The following CCSER1 variants were observed in gnomAD, a reference collection of about 807,000 sequenced individuals.
CCSER1 encodes the protein serine-rich coiled-coil domain-containing protein 1.
Under a neutral mutation model 82.0 loss-of-function variants are expected in CCSER1, and 41 were observed. The observed-to-expected ratio is 0.50, with a 90% confidence interval of 0.39 to 0.65. The LOEUF is 0.65. Among genes scored for constraint, CCSER1 ranks in the 30% least tolerant of loss-of-function variants. CCSER1 has a pLI of 0.00. For missense variants in CCSER1, 1,119 were observed against 1,064.2 expected, an observed-to-expected ratio of 1.05 and a Z score of -0.72; for synonymous variants, 414 against 383.9, an observed-to-expected ratio of 1.08 and a Z score of -0.92.
chr4:91,345,441 A>G (rs892296888), intron 10 of CCSER1, among the ~76,000 whole-genome samples: 2 of 152,186 alleles, frequency 1.3e-5, no homozygotes, highest in Non-Finnish European at 2.9e-5. Context: ...TGATCAATTT[A>G]AAGTAAAAAT....
At chr4:90,975,324 AAC>A (rs1468463598) in intron 9 of CCSER1, among the ~76,000 whole-genome samples, 1 of 151,354 alleles carries the variant, frequency 6.6e-6, no homozygotes, top group Non-Finnish European at 1.5e-5. Context: ...ATACTAAGGA[AAC>A]ACAGAATTGT....
At chr4:90,234,817 T>C (rs1745462432) in intron 1 of CCSER1, among the ~76,000 whole-genome samples, 1 of 152,200 alleles carries the variant, frequency 6.6e-6, no homozygotes, top group African/African-American at 2.4e-5. Flanking sequence ...TAACTCACTT[T>C]TAAAAACTGT....
intron 6 of CCSER1, among the ~76,000 whole-genome samples, chr4:90,665,337 T>G (rs1044106696): frequency 6.6e-6 from 1 of 152,012 alleles, no homozygotes; most frequent in Non-Finnish European, 1.5e-5. Flanking sequence ...TTCTTTTTTT[T>G]TTTTGAGACG....
intron 10 of CCSER1, among the ~76,000 whole-genome samples, chr4:91,164,113 A>C (rs956435764): frequency 3.9e-5 from 6 of 152,134 alleles, no homozygotes; most frequent in African/African-American, 1.4e-4. Context: ...GAGCTCTTGT[A>C]AGGCAGGCCT....
chr4:91,538,477 G>A (rs994544444), intron 10 of CCSER1, among the ~76,000 whole-genome samples: 4 of 151,078 alleles, frequency 2.6e-5, no homozygotes, highest in African/African-American at 9.7e-5. Context: ...AAACTCCTCA[G>A]CACTGGAAGA....
intron 10 of CCSER1, among the ~76,000 whole-genome samples, chr4:91,098,234 G>A (rs946041160): frequency 6.6e-6 from 1 of 152,100 alleles, no homozygotes; most frequent in Non-Finnish European, 1.5e-5. Context: ...AATAGACTTG[G>A]ATAGACTTTG....
intron 1 of CCSER1, among the ~76,000 whole-genome samples, chr4:90,173,178 G>A (rs11947949): frequency 0.28 from 42,693 of 151,530 alleles, 7,592 homozygotes; most frequent in East Asian, 0.64. Context: ...GTAATACAGT[G>A]TAGTAAATTT....
At chr4:91,226,197 A>G (rs1581802847) in intron 10 of CCSER1, among the ~76,000 whole-genome samples, 1 of 151,924 alleles carries the variant, frequency 6.6e-6, no homozygotes, top group Non-Finnish European at 1.5e-5. Context: ...GAAGACAATG[A>G]AAGATATATT....
chr4:91,545,686 G>A (rs1380454630), intron 10 of CCSER1, among the ~76,000 whole-genome samples: 1 of 151,832 alleles, frequency 6.6e-6, no homozygotes, highest in African/African-American at 2.4e-5. Context: ...GGCTTCTTTT[G>A]TTTATTTTTT....
intron 9 of CCSER1, among the ~76,000 whole-genome samples, chr4:91,028,811 G>A (rs1033300391): frequency 6.6e-6 from 1 of 151,974 alleles, no homozygotes; most frequent in South Asian, 2.1e-4. Flanking sequence ...TGAGACAGAT[G>A]CAGTCATAAC....
intron 9 of CCSER1, among the ~76,000 whole-genome samples, chr4:91,057,561 T>C (rs540869341): frequency 4.6e-5 from 7 of 152,324 alleles, no homozygotes; most frequent in African/African-American, 1.7e-4. Flanking sequence ...CTAGTCTTCA[T>C]TGAAAAGTAA....
At chr4:90,908,792 C>CTAATTTGTTCTTGTTG (rs1725888983) in intron 8 of CCSER1, among the ~76,000 whole-genome samples, 3 of 152,090 alleles carry the variant, frequency 2.0e-5, no homozygotes, top group African/African-American at 4.8e-5. Flanking sequence ...AAGAAGGAGA[C>CTAATTTGTTCTTGTTG]TGATGTGATC....
rs980101078 is a variant in CCSER1 at position 90,266,511 on chromosome 4, A to G, written c.-41-41733A>G. On this transcript the variant is annotated intron_variant, in intron 1 of 10. Transcript: ENST00000509176. ...AGCACCTACATACGAACTGAAAATC[A>G]GGTTAACCATCCTAGTACGTGGTTT... Among the ~76,000 whole-genome samples, 24 of 152,166 alleles carry G rather than the reference A, an allele frequency of 1.6e-4. 2 individuals carry two copies. In the East Asian group the frequency reaches 4.5e-3, roughly 28 times the overall value.
At position 90,993,788 on chromosome 4, in the gene CCSER1, C is replaced by G. The variant is rs1737249255; in HGVS notation, c.2172+70341C>G. ...ATTTAATTACTTCCTAGAAGTACCCCTTCCAAACACTACCATATTGAGGTT... is the reference window on the plus strand; with the variant it reads ...ATTTAATTACTTCCTAGAAGTACCCGTTCCAAACACTACCATATTGAGGTT... On this transcript the variant is annotated intron_variant, in intron 9 of 10. Transcript: ENST00000509176. 2.0e-5 allele frequency among the ~76,000 whole-genome samples: 3 copies of G among 152,044 alleles called. No homozygotes were observed. The South Asian group carries it at 6.2e-4, about 31-fold the overall frequency.
At chr4:91,518,627 G>T (rs936766600) in intron 10 of CCSER1, among the ~76,000 whole-genome samples, 2 of 152,134 alleles carry the variant, frequency 1.3e-5, no homozygotes, top group African/African-American at 4.8e-5. Context: ...GGCATCAAGG[G>T]CTCACATGGA....
At chr4:90,967,230 C>G (rs578080877) in intron 9 of CCSER1, among the ~76,000 whole-genome samples, 13 of 151,950 alleles carry the variant, frequency 8.6e-5, no homozygotes, top group African/African-American at 3.1e-4. Flanking sequence ...GGAAGATCAG[C>G]TGAGGTGAGG....
At chr4:91,044,836 G>A (rs1742305107) in intron 9 of CCSER1, among the ~76,000 whole-genome samples, 1 of 152,260 alleles carries the variant, frequency 6.6e-6, no homozygotes, top group East Asian at 1.9e-4. Flanking sequence ...ATATGAATAA[G>A]TGCTATTTTT....
chr4:91,353,433 G>A (rs1748615905), intron 10 of CCSER1, among the ~76,000 whole-genome samples: 1 of 152,224 alleles, frequency 6.6e-6, no homozygotes, highest in Non-Finnish European at 1.5e-5. Flanking sequence ...TAAGTTATGA[G>A]TTGATTTTTA....
intron 10 of CCSER1, among the ~76,000 whole-genome samples, chr4:91,446,785 T>C (rs1359025633): frequency 6.6e-6 from 1 of 151,406 alleles, no homozygotes; most frequent in Non-Finnish European, 1.5e-5. Context: ...TGAATATCTG[T>C]ATAAAATATT....
Sources: allele counts gnomAD v4.1 joint callset (sites outside exome capture counted in the v4.1 genomes callset), GRCh38; gene constraint gnomAD v4.1.1; transcripts MANE v1.5; gene names NCBI Gene and HGNC (gene_info 2026-07-23, HGNC 2026-07-21).